The following SELENOF variants were observed in gnomAD, a reference collection of about 807,000 sequenced individuals.
SELENOF encodes selenoprotein F, also known as 15 kDa selenoprotein.
SELENOF carries 16 observed loss-of-function variants against 20.5 expected under a neutral mutation model. The ratio of observed to expected loss-of-function variants is 0.78; its 90% CI spans 0.53 to 1.19. The LOEUF (loss-of-function observed/expected upper bound fraction) is 1.19, where lower values mean the gene tolerates loss of function less well. Ranked by LOEUF, SELENOF falls within the 50% of genes most tolerant of loss-of-function variation. The pLI is 0.00. For missense variants in SELENOF, 215 were observed against 194.2 expected (o/e 1.11, Z -0.64); for synonymous variants, 78 against 74.5 (o/e 1.05, Z -0.24).
Position 86,903,270 on chromosome 1 carries a change from G to C in SELENOF, c.252+11C>G, listed in dbSNP as rs148362247. On this transcript the variant is annotated intron_variant, in intron 2 of 4. Transcript: ENST00000331835. ...ACCATCCAATGGAAGGAATATACTA[G>C]AAAACAGTACCTTTTTGGTTTCAAA... The C allele has an allele frequency of 8.4e-4, 1,345 of 1,604,514 alleles. 13 individuals are homozygous for C. The African/African-American group carries it at 0.017, about 20-fold the overall frequency.
intron 3 of SELENOF, among the ~76,000 whole-genome samples, chr1:86,870,552 A>G (rs1658735029): frequency 6.6e-6 from 1 of 152,156 alleles, no homozygotes; most frequent in Non-Finnish European, 1.5e-5. Flanking sequence ...TAAAAGGACT[A>G]TTTTTATACA....
At chr1:86,914,183 C>G, upstream of SELENOF, 1 of 1,370,510 alleles carries the variant, frequency 7.3e-7, no homozygotes, top group Non-Finnish European at 1.0e-6. Flanking sequence ...TGATCCAAAA[C>G]AGAACGCTAA....
At chr1:86,878,873 T>A (rs917496650) in intron 3 of SELENOF, among the ~76,000 whole-genome samples, 34 of 152,184 alleles carry the variant, frequency 2.2e-4, no homozygotes, top group African/African-American at 8.0e-4. Context: ...AAAATACTGG[T>A]ATTATACATA....
intron 1 of SELENOF, among the ~76,000 whole-genome samples, chr1:86,905,424 T>C (rs568787142): frequency 6.6e-6 from 1 of 152,334 alleles, no homozygotes; most frequent in East Asian, 1.9e-4. Flanking sequence ...TCTTACTTAT[T>C]TTCAAGAATC....
intron 2 of SELENOF, among the ~76,000 whole-genome samples, chr1:86,895,769 C>T (rs1659505225): frequency 6.6e-6 from 1 of 152,136 alleles, no homozygotes; most frequent in African/African-American, 2.4e-5. Flanking sequence ...GGTTTGGTAC[C>T]AGCTTGACCT....
chr1:86,874,906 C>T (rs1658884385), intron 3 of SELENOF, among the ~76,000 whole-genome samples: 1 of 152,072 alleles, frequency 6.6e-6, no homozygotes, highest in South Asian at 2.1e-4. Context: ...CTGTGTTCAA[C>T]AAAAGCTATT....
chr1:86,880,949 A>C (rs1300691932), intron 2 of SELENOF, among the ~76,000 whole-genome samples: 2 of 152,198 alleles, frequency 1.3e-5, no homozygotes, highest in African/African-American at 4.8e-5. Context: ...ACCTACTTCA[A>C]TTATTCTTAA....
chr1:86,870,023 T>C (rs1376260334), intron 3 of SELENOF, among the ~76,000 whole-genome samples: 2 of 152,196 alleles, frequency 1.3e-5, no homozygotes, highest in African/African-American at 2.4e-5. Flanking sequence ...TCCGCCTGCC[T>C]TGGCCTCCCA....
At chr1:86,887,895 A>G (rs1170171524) in intron 2 of SELENOF, among the ~76,000 whole-genome samples, 2 of 152,206 alleles carry the variant, frequency 1.3e-5, no homozygotes, top group African/African-American at 4.8e-5. Context: ...TGATGAAAAA[A>G]AAAGTAACTT....
chr1:86,899,373 C>T (rs1397516553), intron 2 of SELENOF, among the ~76,000 whole-genome samples: 3 of 131,026 alleles, frequency 2.3e-5, no homozygotes, highest in Non-Finnish European at 4.8e-5. Flanking sequence ...CGGGCAGAGG[C>T]GCCCCTCACC....
chr1:86,893,220 C>G (rs1440133635), intron 2 of SELENOF, among the ~76,000 whole-genome samples: 1 of 152,032 alleles, frequency 6.6e-6, no homozygotes, highest in Non-Finnish European at 1.5e-5. Context: ...AAAATAAACA[C>G]TAATGTAAGG....
At chr1:86,892,177 C>T (rs912839715) in intron 2 of SELENOF, among the ~76,000 whole-genome samples, 1 of 81,654 alleles carries the variant, frequency 1.2e-5, no homozygotes, top group African/African-American at 9.1e-5. Context: ...CATGATCCAC[C>T]CCCCCGGCAC....
Position 86,891,092 on chromosome 1 carries a change from C to T in SELENOF, c.253-10367G>A, listed in dbSNP as rs917089963. On this transcript the variant is annotated intron_variant, in intron 2 of 4. Coordinates refer to ENST00000331835, the MANE Select transcript of SELENOF (RefSeq NM_004261.5). Reference sequence around the variant, plus strand: ...TAGATGGAGTTTCATTCTTGTTGCCCAGGCTGGAGTGCAATGGCAAGATCT... The same window carrying T: ...TAGATGGAGTTTCATTCTTGTTGCCTAGGCTGGAGTGCAATGGCAAGATCT... 2.0e-5 allele frequency among the ~76,000 whole-genome samples: 3 copies of T among 147,740 alleles called. No individual in the cohort carries two copies. The South Asian group carries it at 6.4e-4, about 32-fold the overall frequency.
At chr1:86,894,931 G>C (rs1659481656) in intron 2 of SELENOF, among the ~76,000 whole-genome samples, 1 of 152,146 alleles carries the variant, frequency 6.6e-6, no homozygotes, top group Non-Finnish European at 1.5e-5. Flanking sequence ...TTTTTTATTA[G>C]CACAACCTTT....
chr1:86,887,332 A>C, intron 2 of SELENOF: 1 of 1,040,520 alleles, frequency 9.6e-7, no homozygotes, highest in Non-Finnish European at 1.3e-6. Context: ...GAAAAAATAC[A>C]AAGCAATGAG....
At chr1:86,867,509 C>G (rs766122115) in intron 4 of SELENOF, among the ~76,000 whole-genome samples, 2 of 151,598 alleles carry the variant, frequency 1.3e-5, no homozygotes, top group African/African-American at 4.9e-5. Flanking sequence ...ACAACAACAA[C>G]AACAACAACA....
chr1:86,914,055 C>G lies in SELENOF; in HGVS notation c.57G>C (p.Arg19=). 1 of 1,613,994 alleles carries G rather than the reference C, an allele frequency of 6.2e-7. No individual in the cohort carries two copies. Among genetic ancestry groups the G allele is most frequent in the Non-Finnish European group, 8.5e-7 (1 of 1,179,880 alleles). The change falls in exon 1 of 5, where the codon CGG becomes CGC. Residue 19 remains arginine, a synonymous_variant. Coordinates refer to ENST00000331835, the MANE Select transcript of SELENOF (RefSeq NM_004261.5). ...SGCLVPAFGL[R]LLLATVLQAV... is the part of the protein sequence containing the mutation. ...CTTGAAGCACAGTCGCCAACAACAA[C>G]CGTAGCCCAAACGCCGGCACCAGAC...
At chr1:86,892,047 C>T (rs1007459234) in intron 2 of SELENOF, among the ~76,000 whole-genome samples, 2 of 151,976 alleles carry the variant, frequency 1.3e-5, no homozygotes, top group Non-Finnish European at 2.9e-5. Flanking sequence ...TCTCCTGCCT[C>T]AGCCTCTGGA....
chr1:86,891,077 T>C (rs1659372004), intron 2 of SELENOF, among the ~76,000 whole-genome samples: 1 of 151,456 alleles, frequency 6.6e-6, no homozygotes. Context: ...TAGATGGAGT[T>C]TCATTCTTGT....
Sources: gnomAD v4.1 joint callset for allele counts (sites outside exome capture counted in the v4.1 genomes callset) on GRCh38, gnomAD v4.1.1 for gene constraint, MANE v1.5 for transcripts, NCBI Gene and HGNC (gene_info 2026-07-23, HGNC 2026-07-21) for gene names.